The following DDAH1 variants were observed in gnomAD, a reference collection of about 807,000 sequenced individuals.
The protein encoded by DDAH1 is N(G),N(G)-dimethylarginine dimethylaminohydrolase 1.
DDAH1 carries 19 observed loss-of-function variants against 28.8 expected under a neutral mutation model. The observed-to-expected ratio is 0.66, with a 90% CI of 0.46 to 0.97. DDAH1 has a LOEUF of 0.97. Among genes scored for constraint, DDAH1 ranks in the 50% least tolerant of loss-of-function variants. DDAH1 has a pLI of 0.00. For synonymous variants in DDAH1, 153 were observed against 154.4 expected, an observed-to-expected ratio of 0.99 and a Z score of 0.07; for missense variants, 326 against 375.9, an observed-to-expected ratio of 0.87 and a Z score of 1.10.
At chr1:85,396,412 G>A (rs544230790) in intron 1 of DDAH1, among the ~76,000 whole-genome samples, 4 of 152,258 alleles carry the variant, frequency 2.6e-5, no homozygotes, top group African/African-American at 9.6e-5. Context: ...AGAGGAGTGG[G>A]GAGGTGACAG....
At chr1:85,573,021 T>C (rs1182134463) in intron 1 of DDAH1, among the ~76,000 whole-genome samples, 1 of 152,236 alleles carries the variant, frequency 6.6e-6, no homozygotes, top group Non-Finnish European at 1.5e-5. Flanking sequence ...GACTAGCTCA[T>C]TCTATGTTAA....
intron 1 of DDAH1, among the ~76,000 whole-genome samples, chr1:85,404,688 G>A (rs1383666232): frequency 2.0e-5 from 3 of 152,166 alleles, no homozygotes; most frequent in Non-Finnish European, 4.4e-5. Flanking sequence ...CGTTCTTGGT[G>A]TTTTATAACA....
chr1:85,367,239 T>A (rs1216985622), intron 1 of DDAH1, among the ~76,000 whole-genome samples: 1 of 152,204 alleles, frequency 6.6e-6, no homozygotes, highest in Non-Finnish European at 1.5e-5. Flanking sequence ...TCCAGGCCGA[T>A]GCTCTGAGAC....
At position 85,386,429 on chromosome 1, in the gene DDAH1, G is replaced by A. The variant is rs149320079; in HGVS notation, c.304-27582C>T. 2.6e-5 allele frequency among the ~76,000 whole-genome samples: 4 copies of A among 152,322 alleles called. No individual in the cohort carries two copies. The East Asian group carries it at 5.8e-4, about 22-fold the overall frequency. ...CCCATGCAAGTCCAAAACTCAGTAG[G>A]GCAGACGTTAAACCTTAAAGCTCCA... On this transcript the variant is annotated intron_variant, in intron 1 of 5. Coordinates refer to ENST00000284031, the MANE Select transcript of DDAH1 (RefSeq NM_012137.4).
chr1:85,534,748 C>A (rs1658215100), intron 1 of DDAH1, among the ~76,000 whole-genome samples: 1 of 152,068 alleles, frequency 6.6e-6, no homozygotes, highest in Non-Finnish European at 1.5e-5. Flanking sequence ...GGAATAACAT[C>A]TCAGAACTGA....
At chr1:85,412,810 G>A (rs1224694068) in intron 1 of DDAH1, among the ~76,000 whole-genome samples, 1 of 152,170 alleles carries the variant, frequency 6.6e-6, no homozygotes, top group Non-Finnish European at 1.5e-5. Context: ...AGACCAGCCT[G>A]AGTAACATGG....
chr1:85,387,972 G>A (rs1005725789), intron 1 of DDAH1, among the ~76,000 whole-genome samples: 1 of 152,082 alleles, frequency 6.6e-6, no homozygotes, highest in African/African-American at 2.4e-5. Context: ...ACTTGGGGAG[G>A]TGCCAAGTTC....
intron 1 of DDAH1, among the ~76,000 whole-genome samples, chr1:85,457,839 G>C (rs1027906028): frequency 6.6e-6 from 1 of 151,890 alleles, no homozygotes. Flanking sequence ...ACAGGCGCCT[G>C]CCAGCACGCC....
chr1:85,467,176 C>T (rs1332187530), upstream of DDAH1: 1 of 152,142 alleles, frequency 6.6e-6, no homozygotes, highest in Non-Finnish European at 1.5e-5. Flanking sequence ...GTTTAGCTCC[C>T]GGGTTAAATA....
chr1:85,577,620 A>G (rs1659649850), intron 1 of DDAH1, among the ~76,000 whole-genome samples: 1 of 151,626 alleles, frequency 6.6e-6, no homozygotes, highest in Non-Finnish European at 1.5e-5. Flanking sequence ...GTGGGAACCC[A>G]GAGAACCATT....
chr1:85,391,878 TACCCTCTGATAAACTCCACA>T (rs1651567893), intron 1 of DDAH1, among the ~76,000 whole-genome samples: 1 of 152,228 alleles, frequency 6.6e-6, no homozygotes, highest in Non-Finnish European at 1.5e-5. Context: ...ACAGGCTGTC[TACCCTCTGATAAACTCCACA>T]TTGACCACCA....
At position 85,478,615 on chromosome 1, in the gene DDAH1, A is replaced by G. The variant is rs139273010; in HGVS notation, c.-7+17551T>C. ...AACTTCCCATTGGGTTCTTCTCACA[A>G]CATGTGGGGATTATGGGAACTAAAA... On this transcript the variant is annotated intron_variant, in intron 2 of 6. Coordinates refer to the DDAH1 transcript ENST00000426972. 1.5e-3 allele frequency among the ~76,000 whole-genome samples: 231 copies of G among 152,330 alleles called. 1 individual carries two copies. The highest frequency in any genetic ancestry group is 5.3e-3 in the African/African-American group (222 of 41,578).
intron 1 of DDAH1, among the ~76,000 whole-genome samples, chr1:85,430,788 T>C (rs1252395193): frequency 6.6e-6 from 1 of 152,172 alleles, no homozygotes; most frequent in African/African-American, 2.4e-5. Flanking sequence ...AGGGAGATAT[T>C]GGGCTGAGAT....
At chr1:85,440,468 C>T (rs1353945283) in intron 1 of DDAH1, among the ~76,000 whole-genome samples, 2 of 152,100 alleles carry the variant, frequency 1.3e-5, no homozygotes, top group Non-Finnish European at 2.9e-5. Flanking sequence ...GGTGAGTAGC[C>T]GGGAAAGACT....
intron 1 of DDAH1, among the ~76,000 whole-genome samples, chr1:85,372,787 A>G (rs233052): frequency 0.013 from 1,975 of 152,206 alleles, 44 homozygotes; most frequent in African/African-American, 0.045. Context: ...ATGAAATTAG[A>G]TTCTCATAAA....
intron 1 of DDAH1, among the ~76,000 whole-genome samples, chr1:85,517,758 G>A (rs546380636): frequency 1.5e-4 from 23 of 152,242 alleles, no homozygotes; most frequent in African/African-American, 5.5e-4. Flanking sequence ...GGCAGCCCAA[G>A]CCCCCAGGAG....
rs542632271 is a variant in DDAH1, at chr1:85,553,220, C to T, written c.-123+24764G>A. Among the ~76,000 whole-genome samples the T allele has an allele frequency of 5.9e-5, 9 of 152,258 alleles. No individual in the cohort carries two copies. The East Asian group carries it at 1.7e-3, about 30-fold the overall frequency. On this transcript the variant is annotated intron_variant, in intron 1 of 6. Coordinates refer to the DDAH1 transcript ENST00000426972. The stretch of plus-strand genomic sequence containing the variant: ...TAGCAGCTGGGTACCAATAAGTGAC[C>T]TTAGTCATCTCCAGGAGGAACAGTA...
chr1:85,557,927 A>G (rs1267722217), intron 1 of DDAH1, among the ~76,000 whole-genome samples: 2 of 152,212 alleles, frequency 1.3e-5, no homozygotes, highest in East Asian at 3.8e-4. Context: ...TAGCCTCCAG[A>G]ATCATGAGAA....
chr1:85,341,523 A>G (rs1648476031), intron 4 of DDAH1, among the ~76,000 whole-genome samples: 1 of 152,218 alleles, frequency 6.6e-6, no homozygotes, highest in Non-Finnish European at 1.5e-5. Context: ...AAACAGATAT[A>G]AAGATGTTCC....
Sources: allele counts gnomAD v4.1 joint callset (sites outside exome capture counted in the v4.1 genomes callset), GRCh38; gene constraint gnomAD v4.1.1; transcripts MANE v1.5; gene names NCBI Gene and HGNC (gene_info 2026-07-23, HGNC 2026-07-21).